Variants in ME3 observed in about 807,000 individuals in gnomAD.
The protein encoded by ME3 is malic enzyme 3.
ME3 carries 48 observed loss-of-function variants against 68.9 expected under a neutral mutation model. The observed-to-expected ratio is 0.70, with a 90% CI of 0.55 to 0.89. The LOEUF is 0.89. ME3 is among the 40% of genes least tolerant of loss of function. The probability of loss-of-function intolerance (pLI) is 0.00; values close to 1 mark genes in which losing one functional copy is unlikely to be tolerated. For missense variants in ME3, 675 were observed against 797.4 expected, an observed-to-expected ratio of 0.85 and a Z score of 1.85; for synonymous variants, 320 against 318.8, an observed-to-expected ratio of 1.00 and a Z score of -0.04.
At chr11:86,540,389 C>G (rs1955965043) in intron 4 of ME3, among the ~76,000 whole-genome samples, 1 of 152,100 alleles carries the variant, frequency 6.6e-6, no homozygotes, top group Non-Finnish European at 1.5e-5. Context: ...GTATGTAAGC[C>G]CCATGTCTTG....
chr11:86,516,369 CTTTGTG>C (rs1953905080), intron 4 of ME3, among the ~76,000 whole-genome samples: 1 of 148,234 alleles, frequency 6.7e-6, no homozygotes, highest in Non-Finnish European at 1.5e-5. Flanking sequence ...CTCTCTCTCT[CTTTGTG>C]TGTGTGTGTA....
At chr11:86,536,867 C>G (rs544467466) in intron 4 of ME3, among the ~76,000 whole-genome samples, 138 of 152,178 alleles carry the variant, frequency 9.1e-4, no homozygotes, top group African/African-American at 3.2e-3. Flanking sequence ...TTCACAATAG[C>G]AAAGATTTGG....
At chr11:86,656,543 AAC>A (rs1330587869) in intron 2 of ME3, among the ~76,000 whole-genome samples, 3 of 148,490 alleles carry the variant, frequency 2.0e-5, no homozygotes, top group African/African-American at 7.4e-5. Flanking sequence ...GTGGGAACTG[AAC>A]AATGAGAACA....
chr11:86,534,696 A>G (rs915343999), intron 4 of ME3, among the ~76,000 whole-genome samples: 2 of 152,122 alleles, frequency 1.3e-5, no homozygotes, highest in African/African-American at 4.8e-5. Context: ...AATAATAATA[A>G]TAACACTTAG....
downstream of ME3, chr11:86,441,019 AG>A (rs1296389461): frequency 6.9e-6 from 2 of 289,886 alleles, no homozygotes; most frequent in African/African-American, 4.3e-5. Flanking sequence ...ATTTCCCACA[AG>A]GCCTGGCCAG....
exon 14 of ME3, chr11:86,442,884 G>C: frequency 6.2e-7 from 1 of 1,613,272 alleles, no homozygotes; most frequent in Non-Finnish European, 8.5e-7. Context: ...GTCTCCCCTG[G>C]GACAGATGCT....
intron 2 of ME3, among the ~76,000 whole-genome samples, chr11:86,589,621 G>A (rs2139657740): frequency 6.6e-6 from 1 of 152,290 alleles, no homozygotes; most frequent in South Asian, 2.1e-4. Context: ...TATTTTGTAT[G>A]TTTTAATAAA....
chr11:86,615,094 A>G (rs1942864755), intron 2 of ME3, among the ~76,000 whole-genome samples: 1 of 151,408 alleles, frequency 6.6e-6, no homozygotes. Context: ...CCTTTTGGAC[A>G]TTTTTTTTTA....
chr11:86,513,394 G>A (rs1356363488), intron 4 of ME3, among the ~76,000 whole-genome samples: 2 of 152,152 alleles, frequency 1.3e-5, no homozygotes, highest in Non-Finnish European at 2.9e-5. Flanking sequence ...ATTTTGAAAG[G>A]ATTGCCCTGG....
rs144185386 is a variant in ME3 at position 86,562,135 on chromosome 11, T to C, written c.184-2312A>G. Reference sequence around the variant, plus strand: ...CTTCTTTACTGACTCTACATTTTCATCTTTTCTAGAATGTCATACAATTGG... The same window carrying C: ...CTTCTTTACTGACTCTACATTTTCACCTTTTCTAGAATGTCATACAATTGG... On this transcript the variant is annotated intron_variant, in intron 2 of 14. Transcript: ENST00000543262. Among the ~76,000 whole-genome samples the C allele has an allele frequency of 1.3e-3, 193 of 152,304 alleles. 4 individuals are homozygous for C. The East Asian group carries it at 0.035, about 27-fold the overall frequency.
intron 2 of ME3, among the ~76,000 whole-genome samples, chr11:86,650,614 G>A (rs1256475142): frequency 6.6e-6 from 1 of 151,902 alleles, no homozygotes; most frequent in African/African-American, 2.4e-5. Context: ...ATTTACAATG[G>A]GAAGTCAAGA....
At chr11:86,542,798 A>G (rs534068937) in intron 4 of ME3, among the ~76,000 whole-genome samples, 146 of 152,356 alleles carry the variant, frequency 9.6e-4, no homozygotes, top group Admixed American at 4.0e-3. Flanking sequence ...CAGGAAATAC[A>G]TAGAACACCA....
intron 4 of ME3, among the ~76,000 whole-genome samples, chr11:86,543,638 C>T (rs1054082109): frequency 6.6e-6 from 1 of 152,188 alleles, no homozygotes; most frequent in Middle Eastern, 3.2e-3. Flanking sequence ...AATACAGGAG[C>T]ACCCAGATTC....
chr11:86,577,710 C>T (rs1958195781), intron 2 of ME3, among the ~76,000 whole-genome samples: 1 of 152,212 alleles, frequency 6.6e-6, no homozygotes, highest in Non-Finnish European at 1.5e-5. Flanking sequence ...AAATTCATTA[C>T]ACAAGTGTCT....
chr11:86,609,901 A>G lies in ME3; in HGVS notation c.184-50078T>C, dbSNP rs1942436976. On this transcript the variant is annotated intron_variant, in intron 2 of 14. Transcript: ENST00000543262. ...AAAATTATATATAAATATAATGATA[A>G]TAATAGCTAACACTTACTCAACACA... Among the ~76,000 whole-genome samples the G allele has an allele frequency of 2.6e-5, 4 of 152,324 alleles. No individual in the cohort carries two copies. The South Asian group carries it at 6.2e-4, about 24-fold the overall frequency.
At chr11:86,637,147 C>T (rs17818784) in intron 2 of ME3, among the ~76,000 whole-genome samples, 10,670 of 151,948 alleles carry the variant, frequency 0.07, 456 homozygotes, top group East Asian at 0.14. Flanking sequence ...GGGTCTTATA[C>T]GTAACTAATA....
At chr11:86,593,288 A>G (rs571371605) in intron 2 of ME3, among the ~76,000 whole-genome samples, 1 of 124,350 alleles carries the variant, frequency 8.0e-6, no homozygotes, top group African/African-American at 3.0e-5. Flanking sequence ...GGAAGTGACA[A>G]TGTCATTCCT....
At chr11:86,582,869 G>C (rs1430609216) in intron 2 of ME3, among the ~76,000 whole-genome samples, 2 of 150,282 alleles carry the variant, frequency 1.3e-5, no homozygotes, top group Non-Finnish European at 3.0e-5. Flanking sequence ...TTTCCACCGA[G>C]TCTGAAACAA....
chr11:86,630,276 A>C (rs1565239162), intron 2 of ME3, among the ~76,000 whole-genome samples: 1 of 152,220 alleles, frequency 6.6e-6, no homozygotes, highest in Admixed American at 6.5e-5. Context: ...ATTTCTGGTC[A>C]TGAGGCCCTG....
Sources: gnomAD v4.1 joint callset for allele counts (sites outside exome capture counted in the v4.1 genomes callset) on GRCh38, gnomAD v4.1.1 for gene constraint, MANE v1.5 for transcripts, NCBI Gene and HGNC (gene_info 2026-07-23, HGNC 2026-07-21) for gene names.